The following ANK3 variants were observed in gnomAD, a reference collection of about 807,000 sequenced individuals.
ANK3 encodes the protein ankyrin-3.
In ANK3, 57 loss-of-function variants were observed where a neutral mutation model predicts 370.9. The observed-to-expected ratio is 0.15, with a 90% CI of 0.12 to 0.19. The LOEUF is 0.19. ANK3 is among the 10% of genes least tolerant of loss of function. The probability of loss-of-function intolerance (pLI) is 1.00; values close to 1 mark genes in which losing one functional copy is unlikely to be tolerated. For synonymous variants in ANK3, 1,929 were observed against 1,946.3 expected, an observed-to-expected ratio of 0.99 and a Z score of 0.23; for missense variants, 4,439 against 5,302.1, an observed-to-expected ratio of 0.84 and a Z score of 5.06.
chr10:60,222,629 T>C (rs556625618), intron 8 of ANK3, among the ~76,000 whole-genome samples: 1 of 152,314 alleles, frequency 6.6e-6, no homozygotes, highest in South Asian at 2.1e-4. Flanking sequence ...TACTCCTCAG[T>C]CAAGTCTAAA....
chr10:60,634,087 G>C (rs1452874618), intron 1 of ANK3, among the ~76,000 whole-genome samples: 1 of 152,158 alleles, frequency 6.6e-6, no homozygotes, highest in East Asian at 1.9e-4. Flanking sequence ...GTGGAGAATA[G>C]TTCACTTCAA....
chr10:60,521,190 C>T (rs992292868), intron 2 of ANK3, among the ~76,000 whole-genome samples: 11 of 151,966 alleles, frequency 7.2e-5, no homozygotes, highest in Admixed American at 2.0e-4. Context: ...TGTAGAACAT[C>T]TATATGTTAC....
chr10:60,206,633 G>A (rs773678360), intron 10 of ANK3, among the ~76,000 whole-genome samples: 12 of 152,118 alleles, frequency 7.9e-5, no homozygotes, highest in East Asian at 1.9e-4. Context: ...GCTCTAAAAC[G>A]TTTTGATTTC....
At chr10:60,257,615 C>T (rs1379380203) in intron 7 of ANK3, among the ~76,000 whole-genome samples, 4 of 152,150 alleles carry the variant, frequency 2.6e-5, no homozygotes, top group Non-Finnish European at 4.4e-5. Flanking sequence ...AAAGTGGAAA[C>T]TCTATTATCC....
intron 7 of ANK3, among the ~76,000 whole-genome samples, chr10:60,249,131 C>T (rs12269172): frequency 0.013 from 1,960 of 152,182 alleles, 43 homozygotes; most frequent in African/African-American, 0.045. Context: ...GAAAGCCCCT[C>T]CCAGCTAGAA....
chr10:60,313,018 G>A (rs2046674374), intron 1 of ANK3, among the ~76,000 whole-genome samples: 2 of 152,216 alleles, frequency 1.3e-5, no homozygotes, highest in Admixed American at 6.5e-5. Context: ...TGGTGCTCTT[G>A]CTGGGAAGGC....
At chr10:60,488,490 G>A (rs1401903920) in intron 2 of ANK3, among the ~76,000 whole-genome samples, 1 of 152,094 alleles carries the variant, frequency 6.6e-6, no homozygotes. Context: ...ACAGAGTTGT[G>A]CAACCATCAT....
At chr10:60,246,383 T>C (rs2097556656) in intron 7 of ANK3, among the ~76,000 whole-genome samples, 1 of 152,146 alleles carries the variant, frequency 6.6e-6, no homozygotes, top group South Asian at 2.1e-4. Flanking sequence ...CAAAGTCCTT[T>C]TCTCTTTTCC....
intron 8 of ANK3, among the ~76,000 whole-genome samples, chr10:60,226,490 CAT>C (rs1224910133): frequency 1.6e-5 from 1 of 63,412 alleles, no homozygotes; most frequent in Non-Finnish European, 2.5e-5. Context: ...TATATATATA[CAT>C]ATACTATAGT....
At position 60,059,222 on chromosome 10, in the gene ANK3, G is replaced by C. The variant is rs1326474915; in HGVS notation, c.12686+118C>G. The stretch of plus-strand genomic sequence containing the variant: ...CATAATGAACTGGTCTTTAAAGCAG[G>C]TTTTATCCCAGAACTAGAATGGTAA... On this transcript the variant is annotated intron_variant, in intron 41 of 43. Transcript: ENST00000280772. The C allele has an allele frequency of 1.4e-5, 12 of 852,268 alleles. No individual in the cohort carries two copies. In the East Asian group the frequency reaches 2.9e-4, roughly 21 times the overall value. 52.8% of individuals were successfully genotyped at this position (852,268 alleles called of 1,614,324 possible). A position where few individuals can be genotyped will look rare whatever the true frequency, so the allele number is the denominator to read the frequency against.
chr10:60,035,779 C>T (rs1008629360), intron 43 of ANK3, among the ~76,000 whole-genome samples: 2 of 151,002 alleles, frequency 1.3e-5, no homozygotes, highest in Non-Finnish European at 1.5e-5. Flanking sequence ...TACCTGAGGT[C>T]GGGAGTTTGA....
intron 1 of ANK3, among the ~76,000 whole-genome samples, chr10:60,636,765 A>G (rs1304667778): frequency 6.6e-6 from 1 of 152,228 alleles, no homozygotes; most frequent in African/African-American, 2.4e-5. Context: ...AACAAAAAAG[A>G]GTTGCTACCA....
chr10:60,488,667 A>G (rs2075412011), intron 2 of ANK3, among the ~76,000 whole-genome samples: 1 of 152,180 alleles, frequency 6.6e-6, no homozygotes, highest in African/African-American at 2.4e-5. Flanking sequence ...CATAAATCAT[A>G]TGATATATTG....
At position 60,186,757 on chromosome 10, in the gene ANK3, C is replaced by G; in HGVS notation, c.2043G>C (p.Ser681=). 1.2e-6 allele frequency: 2 copies of G among 1,614,088 alleles called. No homozygotes were observed. The highest frequency in any genetic ancestry group is 1.7e-6 in the Non-Finnish European group (2 of 1,179,998). The change falls in exon 17 of 44, where the codon TCG becomes TCC. Residue 681 remains serine (S), a synonymous_variant. Coordinates refer to ENST00000280772, the MANE Select transcript of ANK3 (RefSeq NM_020987.5). ...AAQEGHVDMV[S]LLLGRNANVN... ...CATTCGCATTTCTACCGAGGAGCAGCGACACCATGTCCACGTGCCCTTCCT... is the reference window on the plus strand; with the variant it reads ...CATTCGCATTTCTACCGAGGAGCAGGGACACCATGTCCACGTGCCCTTCCT...
Position 60,348,963 on chromosome 10 carries a change from T to G in ANK3, c.114+40462A>C, listed in dbSNP as rs572647596. On this transcript the variant is annotated intron_variant, in intron 1 of 43. Coordinates refer to ENST00000280772, the MANE Select transcript of ANK3 (RefSeq NM_020987.5). Reference sequence around the variant, plus strand: ...GGGATGCTAAAGCAATGTGTACATCTCTCATACATATTTATAAGCTCTCTA... The same window carrying G: ...GGGATGCTAAAGCAATGTGTACATCGCTCATACATATTTATAAGCTCTCTA... Among the ~76,000 whole-genome samples the G allele has an allele frequency of 5.4e-4, 82 of 152,244 alleles. 2 individuals are homozygous for G. The South Asian group carries it at 0.016, about 30-fold the overall frequency.
chr10:60,100,549 A>G (rs1397685210), intron 28 of ANK3, among the ~76,000 whole-genome samples: 1 of 152,216 alleles, frequency 6.6e-6, no homozygotes, highest in African/African-American at 2.4e-5. Context: ...TTACATAGCA[A>G]GTACCAATTT....
chr10:60,501,705 C>CAAAAAAA (rs376934079), intron 2 of ANK3, among the ~76,000 whole-genome samples: 2 of 79,768 alleles, frequency 2.5e-5, no homozygotes, highest in Non-Finnish European at 5.0e-5. Flanking sequence ...GACTCTGTCT[C>CAAAAAAA]AAAAAAAAAA....
At chr10:60,126,270 C>A (rs2093749540) in intron 25 of ANK3, among the ~76,000 whole-genome samples, 1 of 152,170 alleles carries the variant, frequency 6.6e-6, no homozygotes, top group African/African-American at 2.4e-5. Context: ...AAACAGCTGT[C>A]CCATTCCTCT....
chr10:60,078,038 G>T (rs563677863), intron 36 of ANK3, among the ~76,000 whole-genome samples: 1 of 152,200 alleles, frequency 6.6e-6, no homozygotes, highest in Non-Finnish European at 1.5e-5. Flanking sequence ...GATTTGCAAG[G>T]CCTGCCAACG....
Sources: allele counts gnomAD v4.1 joint callset (sites outside exome capture counted in the v4.1 genomes callset), GRCh38; gene constraint gnomAD v4.1.1; transcripts MANE v1.5; gene names NCBI Gene and HGNC (gene_info 2026-07-23, HGNC 2026-07-21).